CBFA2T2: variants seen among roughly 807,000 people sequenced by gnomAD.
The protein encoded by CBFA2T2 is CBFA2/RUNX1 partner transcriptional co-repressor 2, also known as protein CBFA2T2.
Under a neutral mutation model 62.2 loss-of-function variants are expected in CBFA2T2, and 11 were observed. That is an observed-to-expected ratio of 0.18 (90% CI 0.11 to 0.29). The LOEUF (loss-of-function observed/expected upper bound fraction) is 0.29. Ranked by LOEUF, CBFA2T2 falls within the 10% of genes least tolerant of loss-of-function variation. CBFA2T2 has a pLI of 1.00. For synonymous variants in CBFA2T2, 295 were observed against 287.5 expected, an observed-to-expected ratio of 1.03 and a Z score of -0.27; for missense variants, 592 against 774.1, an observed-to-expected ratio of 0.76 and a Z score of 2.79.
At chr20:33,547,108 G>A (rs1255365884) in intron 1 of CBFA2T2, among the ~76,000 whole-genome samples, 4 of 152,216 alleles carry the variant, frequency 2.6e-5, no homozygotes, top group East Asian at 1.9e-4. Flanking sequence ...GCTGAGGCAG[G>A]AGAATTGCTT....
intron 1 of CBFA2T2, among the ~76,000 whole-genome samples, chr20:33,545,000 TAGAATAGAATAGAACAGAAC>T (rs553245343): frequency 1.6e-5 from 2 of 125,688 alleles, no homozygotes; most frequent in African/African-American, 2.9e-5. Flanking sequence ...TAGAATAGAA[TAGAATAGAATAGAACAGAAC>T]AGAATGCAAG....
intron 1 of CBFA2T2, among the ~76,000 whole-genome samples, chr20:33,491,985 C>T (rs1225472272): frequency 6.6e-6 from 1 of 151,982 alleles, no homozygotes; most frequent in Non-Finnish European, 1.5e-5. Context: ...CAGGTTCAAG[C>T]GATTCTCCTG....
intron 1 of CBFA2T2, among the ~76,000 whole-genome samples, chr20:33,566,448 A>C (rs964882538): frequency 6.6e-6 from 1 of 152,082 alleles, no homozygotes; most frequent in African/African-American, 2.4e-5. Flanking sequence ...TCTACTAAAA[A>C]TACAAAAATT....
chr20:33,567,744 A>G (rs930907928), intron 1 of CBFA2T2, among the ~76,000 whole-genome samples: 2 of 151,942 alleles, frequency 1.3e-5, no homozygotes, highest in Non-Finnish European at 2.9e-5. Context: ...CACCACGCCC[A>G]GTTAATTTTT....
chr20:33,638,575 T>G (rs1012365450), intron 9 of CBFA2T2, among the ~76,000 whole-genome samples: 1 of 152,138 alleles, frequency 6.6e-6, no homozygotes, highest in African/African-American at 2.4e-5. Context: ...GGGGTGAAGA[T>G]TTTCTTAAGG....
Position 33,629,834 on chromosome 20 carries a change from A to G in CBFA2T2, c.1148A>G (p.Glu383Gly). The part of the protein sequence containing the change: ...ELNYWKRRYN[E>G]NTELRKTGTE... ...AACTACTGGAAAAGACGGTACAATG[A>G]AAACACAGAGCTGAGGAAAACGGGG... Residue 383 changes from glutamate (E) to glycine (G), a missense_variant, in exon 8 of 11, where the codon GAA becomes GGA. By Grantham distance (98) the Glu-to-Gly change is moderately conservative (BLOSUM62 -2). Transcript: ENST00000342704. The G allele has an allele frequency of 4.3e-6, 7 of 1,614,202 alleles. No individual in the cohort carries two copies. Among genetic ancestry groups the G allele is most frequent in the Non-Finnish European group, 5.9e-6 (7 of 1,180,048 alleles).
chr20:33,538,370 T>C (rs964446974), intron 1 of CBFA2T2, among the ~76,000 whole-genome samples: 2 of 152,126 alleles, frequency 1.3e-5, no homozygotes, highest in Non-Finnish European at 2.9e-5. Flanking sequence ...ATTTTCTTTT[T>C]TCTTTTTCCT....
intron 8 of CBFA2T2, among the ~76,000 whole-genome samples, chr20:33,633,025 C>T (rs1008243366): frequency 1.3e-5 from 2 of 152,086 alleles, no homozygotes; most frequent in Non-Finnish European, 2.9e-5. Flanking sequence ...TCCCAAAGTG[C>T]TGGGATTACA....
chr20:33,622,577 G>A (rs900928719), intron 4 of CBFA2T2, among the ~76,000 whole-genome samples: 6 of 152,136 alleles, frequency 3.9e-5, no homozygotes, highest in African/African-American at 1.4e-4. Context: ...CCTACTTAAT[G>A]AATTATCTTT....
At chr20:33,641,733 C>T (rs1439889844) in intron 10 of CBFA2T2, among the ~76,000 whole-genome samples, 2 of 152,220 alleles carry the variant, frequency 1.3e-5, no homozygotes, top group East Asian at 1.9e-4. Flanking sequence ...CAGGTGCACA[C>T]CACCGTGCCT....
In CBFA2T2 at chr20:33,607,079, T is replaced by A. The variant is rs1329327211; in HGVS notation, c.158T>A (p.Val53Glu). The change falls in exon 2 of 11, where the codon GTG becomes GAG. Residue 53 changes from valine (V) to glutamate (E), a missense_variant. Val to Glu is a moderately radical substitution (Grantham distance 121). Around this residue, in one of 3 missense-constraint regions of CBFA2T2, gnomAD observed 449 missense variants for 551.2 expected, o/e 0.81. Transcript: ENST00000342704. ...ATAAATCCTGGAGGACCGAGGCCAGTGTCCTTCACTCCTACTGCATGTGAG... is the reference window on the plus strand; with the variant it reads ...ATAAATCCTGGAGGACCGAGGCCAGAGTCCTTCACTCCTACTGCATGTGAG... ...PPINPGGPRPVSFTPTALSNG... is the reference protein window; with the variant it reads ...PPINPGGPRPESFTPTALSNG... 2.5e-6 allele frequency: 4 copies of A among 1,613,958 alleles called. No individual in the cohort carries two copies. Among genetic ancestry groups the A allele is most frequent in the Non-Finnish European group, 3.4e-6 (4 of 1,179,954 alleles).
chr20:33,638,706 T>C (rs2016717069), intron 9 of CBFA2T2: 2 of 152,232 alleles, frequency 1.3e-5, no homozygotes, highest in South Asian at 4.1e-4. Context: ...GCTTCTGGAT[T>C]GTCTAGTCCT....
At chr20:33,512,046 A>G (rs552253999) in intron 1 of CBFA2T2, among the ~76,000 whole-genome samples, 3 of 152,172 alleles carry the variant, frequency 2.0e-5, no homozygotes, top group African/African-American at 7.2e-5. Context: ...GCGTGGTGGC[A>G]TGCGCCTGTA....
chr20:33,542,026 G>A (rs1469461127), intron 1 of CBFA2T2, among the ~76,000 whole-genome samples: 1 of 152,148 alleles, frequency 6.6e-6, no homozygotes, highest in South Asian at 2.1e-4. Flanking sequence ...TTATAGGCAT[G>A]AGCCACTACA....
intron 1 of CBFA2T2, among the ~76,000 whole-genome samples, chr20:33,558,230 C>T (rs1171822618): frequency 6.6e-6 from 1 of 151,826 alleles, no homozygotes; most frequent in Non-Finnish European, 1.5e-5. Flanking sequence ...CTCCCAAATT[C>T]AAGCGATTCT....
chr20:33,579,879 G>A (rs1473708549), intron 1 of CBFA2T2, among the ~76,000 whole-genome samples: 4 of 150,758 alleles, frequency 2.7e-5, no homozygotes, highest in Admixed American at 2.6e-4. Flanking sequence ...CAATGGCACG[G>A]TCTCGGCTCA....
intron 1 of CBFA2T2, among the ~76,000 whole-genome samples, chr20:33,502,981 C>T (rs1218638190): frequency 4.1e-5 from 6 of 146,576 alleles, no homozygotes; most frequent in Non-Finnish European, 9.0e-5. Context: ...GTCCCAGCTA[C>T]TCCGGAGGCT....
chr20:33,580,578 A>T (rs2014066048), intron 1 of CBFA2T2, among the ~76,000 whole-genome samples: 1 of 152,176 alleles, frequency 6.6e-6, no homozygotes, highest in Non-Finnish European at 1.5e-5. Context: ...GGGGCCAGGC[A>T]CGGTGGTTCA....
chr20:33,640,024 C>G (rs895491134), intron 9 of CBFA2T2, among the ~76,000 whole-genome samples: 2 of 152,236 alleles, frequency 1.3e-5, no homozygotes, highest in African/African-American at 2.4e-5. Context: ...GATCACTTTT[C>G]TCCTTGGAAC....
Sources: gnomAD v4.1 joint callset for allele counts (sites outside exome capture counted in the v4.1 genomes callset) on GRCh38, gnomAD v4.1.1 for gene constraint, gnomAD v4.1.1 regional missense constraint, MANE v1.5 for transcripts, NCBI Gene and HGNC (gene_info 2026-07-23, HGNC 2026-07-21) for gene names.